Variants in NOC4L observed in about 807,000 individuals in gnomAD.
The protein encoded by NOC4L is nucleolar complex associated 4 homolog.
Under a neutral mutation model 62.8 loss-of-function variants are expected in NOC4L, and 40 were observed. That is an observed-to-expected ratio of 0.64 (90% confidence interval 0.49 to 0.83). NOC4L has a LOEUF of 0.83. Among genes scored for constraint, NOC4L ranks in the 40% least tolerant of loss-of-function variants. NOC4L has a pLI of 0.00. For missense variants in NOC4L, 927 were observed against 701.9 expected (o/e 1.32, Z -3.62); for synonymous variants, 433 against 299.8 (o/e 1.44, Z -4.59).
chr12:132,152,290 G>A lies in NOC4L; in HGVS notation c.1440G>A (p.Glu480=), dbSNP rs964984665. Residue 480 remains glutamate (E), a synonymous_variant, in exon 15 of 15, where the codon GAG becomes GAA. Transcript: ENST00000330579. ...TGCTTTGTGCTTTGCAGATCTTTGA[G>A]CGGGACCTGAAGAAGAAGGGGCCCG... is the stretch of plus-strand genomic sequence containing the variant. The part of the protein sequence containing the change: ...LLELTAYEIF[E]RDLKKKGPEP... 6.4e-7 allele frequency: 1 copy of A among 1,564,978 alleles called. No homozygotes were observed. The highest frequency in any genetic ancestry group is 1.9e-5 in the Admixed American group (1 of 52,864).
At chr12:132,148,144 T>G (rs754300777) in intron 7 of NOC4L, 38 bp downstream of exon 7, 14 of 1,609,630 alleles carry the variant, frequency 8.7e-6, no homozygotes, top group Middle Eastern at 1.8e-4. Context: ...CCTCCCGGGT[T>G]TGGGGGTGTG....
At chr12:132,146,313 T>C (rs1232037676) in intron 3 of NOC4L, 5 of 455,954 alleles carry the variant, frequency 1.1e-5, no homozygotes, top group East Asian at 6.9e-5. Context: ...TCGTTCTCTT[T>C]GTGGCTGAGT....
At chr12:132,146,499 A>C in intron 3 of NOC4L, 1 of 387,690 alleles carries the variant, frequency 2.6e-6, no homozygotes, top group Non-Finnish European at 5.3e-6. Flanking sequence ...ACAAGGCCAC[A>C]CAGCAGCTGT....
chr12:132,151,529 C>T lies in NOC4L; in HGVS notation c.1119C>T (p.Ala373=), dbSNP rs576273986. The change falls in exon 12 of 15, where the codon GCC becomes GCT. Residue 373 remains alanine, a synonymous_variant. Transcript: ENST00000330579. Reference sequence around the variant, plus strand: ...TGGCCGCCTTCGCCAAGCGGCTGGCCCGCCTGGCCCTGACGGCTCCCCCTG... The same window carrying T: ...TGGCCGCCTTCGCCAAGCGGCTGGCTCGCCTGGCCCTGACGGCTCCCCCTG... ...YLVAAFAKRL[A]RLALTAPPEA... 68 of 1,607,784 alleles carry T rather than the reference C, an allele frequency of 4.2e-5. No homozygotes were observed. Among genetic ancestry groups the T allele is most frequent in the Admixed American group, 1.0e-4 (6 of 59,814 alleles).
Position 132,144,527 on chromosome 12 carries a change from T to C in NOC4L, c.39T>C (p.Ala13=). ...REPGAAGVRR[A]LGRRLEAVLA... is the part of the protein sequence containing the mutation. Reference sequence around the variant, plus strand: ...CGGGCGCCGCGGGAGTTCGCCGGGCTCTGGGCCGCCGGCTGGAGGCGGTGC... The same window carrying C: ...CGGGCGCCGCGGGAGTTCGCCGGGCCCTGGGCCGCCGGCTGGAGGCGGTGC... Residue 13 remains alanine (A), a synonymous_variant, in exon 1 of 15, where the codon GCT becomes GCC. Transcript: ENST00000330579. 6.6e-7 allele frequency: 1 copy of C among 1,519,910 alleles called. No homozygotes were observed. The allele number at this position is 1,519,910 out of a possible 1,614,324, so 94.2% of individuals were successfully genotyped here.
At position 132,151,246 on chromosome 12, in the gene NOC4L, C is replaced by T; in HGVS notation, c.963-12C>T. The T allele has an allele frequency of 6.2e-7, 1 of 1,606,852 alleles. No individual in the cohort carries two copies. Among genetic ancestry groups the T allele is most frequent in the Non-Finnish European group, 8.5e-7 (1 of 1,176,012 alleles). ...CCTGCTCCATCCGCTGCTCCTTCCC[C>T]CCGGCCCGCAGGGAGTACCCTGACT... On this transcript the variant is annotated splice_polypyrimidine_tract_variant and intron_variant, in intron 10 of 14. Transcript: ENST00000330579.
At chr12:132,146,480 A>G (rs987442159) in intron 3 of NOC4L, 4 of 407,698 alleles carry the variant, frequency 9.8e-6, no homozygotes, top group African/African-American at 4.1e-5. Flanking sequence ...ATGCCTTATC[A>G]GTGGAATTAC....
chr12:132,146,719 C>T (rs953177979), intron 3 of NOC4L, among the ~76,000 whole-genome samples: 10 of 152,164 alleles, frequency 6.6e-5, no homozygotes, highest in African/African-American at 1.9e-4. Flanking sequence ...ATAATCAGTT[C>T]TGTCAACACG....
rs1463772030 is a variant in NOC4L, at chr12:132,151,376, C to T, written c.1073+8C>T. On this transcript the variant is annotated splice_region_variant and intron_variant, in intron 11 of 14. Coordinates refer to ENST00000330579, the MANE Select transcript of NOC4L (RefSeq NM_024078.3). ...CCTCTTCCTGTCCTCCTCGTGAGTA[C>T]CAGGGCACCTGGCTCTGCCCTGCTC... The T allele has an allele frequency of 1.2e-6, 2 of 1,607,654 alleles. No homozygotes were observed. Among genetic ancestry groups the T allele is most frequent in the East Asian group, 2.2e-5 (1 of 44,870 alleles).
In NOC4L at chr12:132,147,637, T is replaced by C. The variant is rs889875632; in HGVS notation, c.458T>C (p.Val153Ala). ...YLFPRELFKL[V>A]VGGLLSPEED... ...CTCACTGGTCCTTGCCCCTAGTTGG[T>C]GGTGGGAGGCCTGCTGTCTCCTGAG... is the stretch of plus-strand genomic sequence containing the variant. The change falls in exon 5 of 15, where the codon GTG becomes GCG. Residue 153 changes from valine (V) to alanine (A), a missense_variant. Coordinates refer to ENST00000330579, the MANE Select transcript of NOC4L (RefSeq NM_024078.3). The C allele has an allele frequency of 1.9e-6, 3 of 1,612,652 alleles. No homozygotes were observed. The highest frequency in any genetic ancestry group is 2.5e-6 in the Non-Finnish European group (3 of 1,179,854).
At position 132,148,110 on chromosome 12, in the gene NOC4L, A is replaced by G. The variant is rs1897795062; in HGVS notation, c.738+4A>G. The G allele has an allele frequency of 6.8e-6, 11 of 1,613,218 alleles. No homozygotes were observed. Among genetic ancestry groups the G allele is most frequent in the Non-Finnish European group, 7.6e-6 (9 of 1,179,924 alleles). On this transcript the variant is annotated splice_donor_region_variant and intron_variant, in intron 7 of 14. Transcript: ENST00000330579. ...CTGGAAGGTTGCTCACCTGAAGGTG[A>G]GTTGCTTCTGGAGAGCCGGGCACCC...
rs561355137 is a variant in NOC4L at position 132,147,107 on chromosome 12, G to C, written c.346-174G>C. ...AGAGATCTTGTCATCTCTACGTCAT[G>C]GGTGGGACACGGAAGCCCAGAGTGG... On this transcript the variant is annotated intron_variant, in intron 3 of 14. Coordinates refer to ENST00000330579, the MANE Select transcript of NOC4L (RefSeq NM_024078.3). Among the ~76,000 whole-genome samples the C allele has an allele frequency of 9.8e-5, 15 of 152,344 alleles. No homozygotes were observed. In the South Asian group the frequency reaches 2.7e-3, roughly 27 times the overall value.
In NOC4L at chr12:132,148,058, C is replaced by T. The variant is rs761803302; in HGVS notation, c.704-14C>T. 30 of 1,613,420 alleles carry T rather than the reference C, an allele frequency of 1.9e-5. No individual in the cohort carries two copies. Among genetic ancestry groups the T allele is most frequent in the Middle Eastern group, 1.6e-4 (1 of 6,074 alleles). Reference sequence around the variant, plus strand: ...CTGCGGGTCAGGTGACCTTTGCCCTCGCTTTCCCTGCAGAGCTGTGGGACA... The same window carrying T: ...CTGCGGGTCAGGTGACCTTTGCCCTTGCTTTCCCTGCAGAGCTGTGGGACA... On this transcript the variant is annotated splice_polypyrimidine_tract_variant and intron_variant, in intron 6 of 14. Transcript: ENST00000330579.
chr12:132,150,929 TAGG>T, intron 9 of NOC4L, 49 bp from the exon 10 acceptor site: 1 of 1,343,466 alleles, frequency 7.4e-7, no homozygotes, highest in South Asian at 1.3e-5. Flanking sequence ...GGGCAGGGGG[TAGG>T]GTGGGAGCGA....
intron 9 of NOC4L, 107 bp from the exon 10 acceptor site, chr12:132,150,874 G>T (rs1056141392): frequency 1.5e-5 from 12 of 796,398 alleles, no homozygotes; most frequent in Non-Finnish European, 2.3e-5. Context: ...TGTGGGAGGG[G>T]ACAGCAGGGG....
At chr12:132,151,714 C>G (rs765175322) in intron 12 of NOC4L, 24 bp from the exon 13 acceptor site, 27 of 1,612,272 alleles carry the variant, frequency 1.7e-5, no homozygotes, top group Non-Finnish European at 2.3e-5. Context: ...GGACGGCAGA[C>G]AAGGGCCCAC....
chr12:132,151,301 C>A lies in NOC4L; in HGVS notation c.1006C>A (p.Pro336Thr). 6.2e-7 allele frequency: 1 copy of A among 1,612,038 alleles called. No individual in the cohort carries two copies. The change falls in exon 11 of 15, where the codon CCC becomes ACC. Residue 336 changes from proline (P) to threonine (T), a missense_variant. Pro to Thr is a conservative substitution (Grantham distance 38). Coordinates refer to ENST00000330579, the MANE Select transcript of NOC4L (RefSeq NM_024078.3). ...CCGGAAGCTCTACGGCCTCTTGGAC[C>A]CCTCTGTCTTTCACGTCAAGTACCG... is the stretch of plus-strand genomic sequence containing the variant. The part of the protein sequence containing the change: ...FYRKLYGLLD[P>T]SVFHVKYRAR...
In NOC4L at chr12:132,146,527, G is replaced by A. The variant is rs183725688; in HGVS notation, c.346-754G>A. 9.2e-5 allele frequency among the ~76,000 whole-genome samples: 14 copies of A among 152,188 alleles called. No individual in the cohort carries two copies. In the East Asian group the frequency reaches 2.3e-3, roughly 25 times the overall value. On this transcript the variant is annotated intron_variant, in intron 3 of 14. Coordinates refer to ENST00000330579, the MANE Select transcript of NOC4L (RefSeq NM_024078.3). Reference sequence around the variant, plus strand: ...GCAGCTGTGTTTTTAATGTTCTGAGGAACTACAAGACTGTTTTCCATAGTA... The same window carrying A: ...GCAGCTGTGTTTTTAATGTTCTGAGAAACTACAAGACTGTTTTCCATAGTA...
At chr12:132,147,447 G>A (rs2136688892) in intron 4 of NOC4L, 59 bp downstream of exon 4, 2 of 1,502,218 alleles carry the variant, frequency 1.3e-6, no homozygotes, top group Admixed American at 2.0e-5. Flanking sequence ...TCCCAGGATG[G>A]CCCCGTAGTG....
Sources: gnomAD v4.1 joint callset for allele counts (sites outside exome capture counted in the v4.1 genomes callset) on GRCh38, gnomAD v4.1.1 for gene constraint, MANE v1.5 for transcripts, NCBI Gene and HGNC (gene_info 2026-07-23, HGNC 2026-07-21) for gene names.